Variants in KCNMA1 observed in about 807,000 individuals in gnomAD.
The protein encoded by KCNMA1 is potassium calcium-activated channel subfamily M alpha 1.
Under a neutral mutation model 140.0 loss-of-function variants are expected in KCNMA1, and 29 were observed. That is an observed-to-expected ratio of 0.21 (90% CI 0.15 to 0.28). KCNMA1 has a LOEUF of 0.28. Among genes scored for constraint, KCNMA1 ranks in the 10% least tolerant of loss-of-function variants. The probability of loss-of-function intolerance (pLI) is 1.00; values close to 1 mark genes in which losing one functional copy is unlikely to be tolerated. For synonymous variants in KCNMA1, 612 were observed against 611.9 expected (o/e 1.00, Z 0.00); for missense variants, 880 against 1,602.2 (o/e 0.55, Z 7.70).
At chr10:77,508,581 CTTTTTTT>C (rs761735012) in intron 1 of KCNMA1, among the ~76,000 whole-genome samples, 4 of 99,874 alleles carry the variant, frequency 4.0e-5, no homozygotes, top group Non-Finnish European at 7.4e-5. Context: ...TTTTTCTTTT[CTTTTTTT>C]TTTTTTTTTT....
chr10:77,581,315 C>CTT (rs11392217), intron 1 of KCNMA1, among the ~76,000 whole-genome samples: 23,501 of 148,170 alleles, frequency 0.16, 2,141 homozygotes, highest in Middle Eastern at 0.25. Context: ...ATTCTCAACA[C>CTT]TTTTTTTTTT....
chr10:77,403,397 T>C (rs2096347890), intron 2 of KCNMA1, among the ~76,000 whole-genome samples: 1 of 151,754 alleles, frequency 6.6e-6, no homozygotes, highest in Non-Finnish European at 1.5e-5. Flanking sequence ...CTGCAGAAAA[T>C]TAGGAAACTG....
At chr10:77,608,835 A>C (rs2154567620) in intron 1 of KCNMA1, among the ~76,000 whole-genome samples, 1 of 152,320 alleles carries the variant, frequency 6.6e-6, no homozygotes, top group East Asian at 1.9e-4. Context: ...GGTATATAAA[A>C]AGGTGCTCAA....
chr10:77,336,195 T>A (rs1260924972), intron 2 of KCNMA1, among the ~76,000 whole-genome samples: 3 of 152,116 alleles, frequency 2.0e-5, no homozygotes, highest in Non-Finnish European at 4.4e-5. Flanking sequence ...GTGCTGATAT[T>A]GACTACGAGA....
intron 1 of KCNMA1, among the ~76,000 whole-genome samples, chr10:77,470,815 T>C (rs1322493792): frequency 6.6e-6 from 1 of 152,174 alleles, no homozygotes; most frequent in Non-Finnish European, 1.5e-5. Flanking sequence ...GCACAATTTC[T>C]AGGCATTTGT....
chr10:77,213,412 G>C (rs2154177459), intron 3 of KCNMA1, among the ~76,000 whole-genome samples: 1 of 152,280 alleles, frequency 6.6e-6, no homozygotes, highest in East Asian at 1.9e-4. Flanking sequence ...ACATCTCCAA[G>C]AACCAAATCA....
intron 20 of KCNMA1, among the ~76,000 whole-genome samples, chr10:76,964,416 G>A (rs1249890172): frequency 6.6e-6 from 1 of 152,104 alleles, no homozygotes; most frequent in African/African-American, 2.4e-5. Flanking sequence ...TGTACAAGAT[G>A]CTCTTGACAC....
intron 18 of KCNMA1, among the ~76,000 whole-genome samples, chr10:77,010,955 TC>T (rs1023295715): frequency 6.6e-6 from 1 of 152,044 alleles, no homozygotes; most frequent in Non-Finnish European, 1.5e-5. Context: ...TGTGCCCAAA[TC>T]CCTGTATGTT....
intron 3 of KCNMA1, among the ~76,000 whole-genome samples, chr10:77,229,833 G>A (rs1458179304): frequency 1.3e-5 from 2 of 152,040 alleles, no homozygotes; most frequent in South Asian, 2.1e-4. Flanking sequence ...TGCAACCCCC[G>A]CATGTTGTTG....
chr10:76,886,811 A>G lies in KCNMA1; in HGVS notation c.*455T>C, dbSNP rs1158711846. 2.8e-6 allele frequency: 3 copies of G among 1,077,426 alleles called. No homozygotes were observed. The highest frequency in any genetic ancestry group is 2.3e-6 in the Non-Finnish European group (2 of 885,524). The allele number at this position is 1,077,426 out of a possible 1,614,324, so 66.7% of individuals were successfully genotyped here. On this transcript the variant is annotated 3_prime_UTR_variant, in exon 28 of 28. Transcript: ENST00000286628. ...GTTTCAAATAAACATGTGCTAACTT[A>G]TTGTGTGTATAAAAAAAGAAAGAAA...
At position 77,243,377 on chromosome 10, in the gene KCNMA1, G is replaced by A. The variant is rs913743440; in HGVS notation, c.602+7818C>T. Among the ~76,000 whole-genome samples the A allele has an allele frequency of 3.9e-5, 6 of 152,340 alleles. No homozygotes were observed. In the South Asian group the frequency reaches 8.3e-4, roughly 21 times the overall value. On this transcript the variant is annotated intron_variant, in intron 3 of 27. Coordinates refer to ENST00000286628, the MANE Select transcript of KCNMA1 (RefSeq NM_001161352.2). ...GAAAGGCCCAGTGCCATGTGACAGGGAGGAGATGCAGCCCTCTTGCGGTAT... is the reference window on the plus strand; with the variant it reads ...GAAAGGCCCAGTGCCATGTGACAGGAAGGAGATGCAGCCCTCTTGCGGTAT...
intron 1 of KCNMA1, among the ~76,000 whole-genome samples, chr10:77,611,132 C>T (rs1476306642): frequency 6.6e-6 from 1 of 152,212 alleles, no homozygotes; most frequent in East Asian, 1.9e-4. Context: ...AACTCCTTTC[C>T]AAACTTCCAC....
intron 23 of KCNMA1, among the ~76,000 whole-genome samples, chr10:76,929,693 A>G (rs901297064): frequency 2.6e-5 from 4 of 152,238 alleles, no homozygotes; most frequent in Non-Finnish European, 5.9e-5. Flanking sequence ...GGAATCACCA[A>G]TGCATGCCTG....
intron 1 of KCNMA1, among the ~76,000 whole-genome samples, chr10:77,455,651 C>T (rs1378658810): frequency 6.6e-6 from 1 of 152,164 alleles, no homozygotes; most frequent in Non-Finnish European, 1.5e-5. Context: ...GGCCACTACT[C>T]CCGGTTCCCC....
At chr10:76,989,517 A>C (rs1237024514) in intron 19 of KCNMA1, among the ~76,000 whole-genome samples, 12 of 152,226 alleles carry the variant, frequency 7.9e-5, no homozygotes, top group Non-Finnish European at 1.6e-4. Context: ...AAGGAAACTT[A>C]GAAATATGAC....
chr10:77,344,037 G>A lies in KCNMA1; in HGVS notation c.540+59825C>T, dbSNP rs1258924057. ...GCCACAGTCTCTTCAGTGCCATCAG[G>A]GAAGACAGCAACTGCACCACCACAC... On this transcript the variant is annotated intron_variant, in intron 2 of 27. Coordinates refer to ENST00000286628, the MANE Select transcript of KCNMA1 (RefSeq NM_001161352.2). 3.3e-5 allele frequency among the ~76,000 whole-genome samples: 5 copies of A among 152,166 alleles called. No individual in the cohort carries two copies. In the East Asian group the frequency reaches 7.7e-4, roughly 23 times the overall value.
At chr10:77,536,230 G>T (rs889980551) in intron 1 of KCNMA1, among the ~76,000 whole-genome samples, 1 of 152,176 alleles carries the variant, frequency 6.6e-6, no homozygotes, top group Non-Finnish European at 1.5e-5. Context: ...GTATTTTGCG[G>T]AATTATTTGG....
chr10:77,260,696 G>A (rs561555305), intron 2 of KCNMA1, among the ~76,000 whole-genome samples: 5 of 152,124 alleles, frequency 3.3e-5, no homozygotes, highest in Non-Finnish European at 5.9e-5. Flanking sequence ...GCAACAGAGC[G>A]AGACTCCATC....
intron 9 of KCNMA1, among the ~76,000 whole-genome samples, chr10:77,094,622 C>T (rs2096885484): frequency 6.6e-6 from 1 of 152,158 alleles, no homozygotes; most frequent in Admixed American, 6.5e-5. Context: ...AACTCTAAGC[C>T]AAACTTAACT....
Sources: allele counts gnomAD v4.1 joint callset (sites outside exome capture counted in the v4.1 genomes callset), GRCh38; gene constraint gnomAD v4.1.1; transcripts MANE v1.5; gene names NCBI Gene and HGNC (gene_info 2026-07-23, HGNC 2026-07-21).